Variants in TEKT1 observed in about 807,000 individuals in gnomAD.
TEKT1 encodes tektin 1.
TEKT1 carries 32 observed loss-of-function variants against 34.8 expected under a neutral mutation model. The ratio of observed to expected loss-of-function variants is 0.92; its 90% CI spans 0.69 to 1.23. The LOEUF (loss-of-function observed/expected upper bound fraction) is 1.23. TEKT1 is among the 50% of genes most tolerant of loss of function. The pLI is 0.00. For missense variants in TEKT1, 492 were observed against 518.5 expected (o/e 0.95, Z 0.50); for synonymous variants, 207 against 199.8 (o/e 1.04, Z -0.30).
chr17:6,828,584 C>T (rs1259579833), intron 2 of TEKT1, among the ~76,000 whole-genome samples: 1 of 152,106 alleles, frequency 6.6e-6, no homozygotes, highest in Non-Finnish European at 1.5e-5. Flanking sequence ...TGGGTTGAAA[C>T]TGAGTAGCAG....
rs1976949866 is a variant in TEKT1 at position 6,813,002 on chromosome 17, C to T, written c.681G>A (p.Lys227=). 6.2e-7 allele frequency: 1 copy of T among 1,614,082 alleles called. No homozygotes were observed. The highest frequency in any genetic ancestry group is 1.3e-5 in the African/African-American group (1 of 74,944). The change falls in exon 6 of 8, where the codon AAG becomes AAA. Residue 227 remains lysine (K), a synonymous_variant. Transcript: ENST00000338694. The part of the protein sequence containing the change: ...WLDFSSTNVE[K]ADKQRNNSLM... ...GGGAGTTGTTCCGCTGCTTGTCAGCCTTCTCCACATTGGTGCTGGAGAAGT... is the reference window on the plus strand; with the variant it reads ...GGGAGTTGTTCCGCTGCTTGTCAGCTTTCTCCACATTGGTGCTGGAGAAGT...
chr17:6,812,869 T>C lies in TEKT1; in HGVS notation c.814A>G (p.Lys272Glu). Residue 272 changes from lysine to glutamate, a missense_variant, in exon 6 of 8, where the codon AAG (lysine) becomes GAG (glutamate). Lys to Glu is a moderately conservative substitution (Grantham distance 56, BLOSUM62 1). Coordinates refer to ENST00000338694, the MANE Select transcript of TEKT1 (RefSeq NM_053285.2). ...TCAGCCAGCTTGTCCCTGGCATCCT[T>C]TGTATCCTTCAGCCCATTCTTGAAT... is the stretch of plus-strand genomic sequence containing the variant. ...TAFKNGLKDT[K>E]DARDKLADHL... is the part of the protein sequence containing the mutation. The C allele has an allele frequency of 6.2e-7, 1 of 1,614,170 alleles. No homozygotes were observed. Among genetic ancestry groups the C allele is most frequent in the Non-Finnish European group, 8.5e-7 (1 of 1,180,034 alleles).
chr17:6,819,789 G>T (rs546152047), intron 2 of TEKT1, among the ~76,000 whole-genome samples: 1 of 152,336 alleles, frequency 6.6e-6, no homozygotes, highest in East Asian at 1.9e-4. Flanking sequence ...CCAGGTTCAT[G>T]CCATTCTCCT....
intron 6 of TEKT1, among the ~76,000 whole-genome samples, chr17:6,807,393 C>G (rs564403240): frequency 0.025 from 3,761 of 152,202 alleles, 78 homozygotes; most frequent in Non-Finnish European, 0.039. Context: ...AGGTTTTTAA[C>G]TTCTTTGCCA....
rs1372091900 is a variant in TEKT1 at position 6,822,938 on chromosome 17, G to A, written c.191-3580C>T. Among the ~76,000 whole-genome samples the A allele has an allele frequency of 2.6e-5, 4 of 152,242 alleles. No homozygotes were observed. In the South Asian group the frequency reaches 8.3e-4, roughly 31 times the overall value. On this transcript the variant is annotated intron_variant, in intron 2 of 7. Coordinates refer to ENST00000338694, the MANE Select transcript of TEKT1 (RefSeq NM_053285.2). ...TCAGTTGAGACCCTGGCATCTCACA[G>A]GAGAATCCTCAAATGTTAATATTTA...
At chr17:6,817,166 G>A (rs1206417863) in intron 3 of TEKT1, among the ~76,000 whole-genome samples, 4 of 152,002 alleles carry the variant, frequency 2.6e-5, no homozygotes, top group African/African-American at 7.3e-5. Flanking sequence ...GCCTGAGGTC[G>A]GGAGTTGGAG....
At chr17:6,815,781 C>T in intron 4 of TEKT1, 53 bp downstream of exon 4, 3 of 1,607,524 alleles carry the variant, frequency 1.9e-6, no homozygotes, top group Non-Finnish European at 1.7e-6. Context: ...GTGGACACTG[C>T]CTTTTCTCAA....
At chr17:6,814,168 C>T (rs988836174) in intron 5 of TEKT1, among the ~76,000 whole-genome samples, 1 of 152,142 alleles carries the variant, frequency 6.6e-6, no homozygotes, top group Non-Finnish European at 1.5e-5. Context: ...GACATCAAGC[C>T]TGGGGCACCC....
intron 5 of TEKT1, among the ~76,000 whole-genome samples, chr17:6,813,946 TTCTCTCTCTCTC>T (rs71157224): frequency 1.4e-5 from 2 of 145,952 alleles, no homozygotes; most frequent in East Asian, 2.0e-4. Flanking sequence ...CTGTCATCCG[TTCTCTCTCTCTC>T]TCTCTCTCTC....
In TEKT1 at chr17:6,799,972, TA is replaced by T. The variant is rs1976743694; in HGVS notation, c.*54del. ...CCAGCCTGAAATGAGAGCTCTGTAC[TA>T]CTGTAACTACTGTTTACAATGTGGT... is the stretch of plus-strand genomic sequence containing the variant. On this transcript the variant is annotated 3_prime_UTR_variant, in exon 8 of 8. Coordinates refer to ENST00000338694, the MANE Select transcript of TEKT1 (RefSeq NM_053285.2). The T allele has an allele frequency of 1.3e-6, 2 of 1,528,230 alleles. No individual in the cohort carries two copies. The highest frequency in any genetic ancestry group is 1.8e-6 in the Non-Finnish European group (2 of 1,133,202). The allele number at this position is 1,528,230 out of a possible 1,614,324, so 94.7% of individuals were successfully genotyped here. A position where few individuals can be genotyped will look rare whatever the true frequency, so the allele number is the denominator to read the frequency against.
chr17:6,823,944 T>C (rs1478529679), intron 2 of TEKT1, among the ~76,000 whole-genome samples: 1 of 145,278 alleles, frequency 6.9e-6, no homozygotes, highest in Admixed American at 7.1e-5. Flanking sequence ...TGCCTCAGCC[T>C]CCCAAGTAGC....
chr17:6,805,922 G>A (rs917180576), intron 6 of TEKT1, among the ~76,000 whole-genome samples: 1 of 152,220 alleles, frequency 6.6e-6, no homozygotes, highest in Admixed American at 6.5e-5. Flanking sequence ...GCGGTGTGGT[G>A]CTGAGAAGAA....
At chr17:6,802,096 C>A (rs1210558457) in intron 6 of TEKT1, among the ~76,000 whole-genome samples, 3 of 152,140 alleles carry the variant, frequency 2.0e-5, no homozygotes, top group Non-Finnish European at 4.4e-5. Context: ...AGACAAAAGA[C>A]TTATTCTTTA....
Position 6,815,858 on chromosome 17 carries a change from A to G in TEKT1, c.461T>C (p.Leu154Ser), listed in dbSNP as rs1976998132. The G allele has an allele frequency of 6.2e-6, 10 of 1,614,176 alleles. No individual in the cohort carries two copies. The highest frequency in any genetic ancestry group is 8.5e-6 in the Non-Finnish European group (10 of 1,180,028). The change falls in exon 4 of 8, where the codon TTG becomes TCG. Residue 154 changes from leucine to serine, a missense_variant. Coordinates refer to ENST00000338694, the MANE Select transcript of TEKT1 (RefSeq NM_053285.2). ...QGIMALLTRTLEEASEQIRMN... is the reference protein window; with the variant it reads ...QGIMALLTRTSEEASEQIRMN... ...CCGAATCTGCTCGGAAGCCTCCTCC[A>G]AGGTACGGGTCAGCAGAGCCATAAT...
In TEKT1 at chr17:6,799,993, T is replaced by C. The variant is rs1349943705; in HGVS notation, c.*34A>G. ...GTACTACTGTAACTACTGTTTACAA[T>C]GTGGTTTAATGAGAATTGGAACTAG... On this transcript the variant is annotated 3_prime_UTR_variant, in exon 8 of 8. Transcript: ENST00000338694. The C allele has an allele frequency of 6.3e-7, 1 of 1,578,366 alleles. No homozygotes were observed. The highest frequency in any genetic ancestry group is 2.2e-5 in the East Asian group (1 of 44,634).
Position 6,800,799 on chromosome 17 carries a change from C to A in TEKT1, c.997G>T (p.Ala333Ser), listed in dbSNP as rs561916829. The A allele has an allele frequency of 4.3e-6, 7 of 1,613,936 alleles. No individual in the cohort carries two copies. The Middle Eastern group carries it at 6.6e-4, about 152-fold the overall frequency. Residue 333 changes from alanine (A) to serine (S), a missense_variant, in exon 7 of 8, where the codon GCA (alanine) becomes TCA (serine). By Grantham distance (99) the Ala-to-Ser change is moderately conservative. Coordinates refer to ENST00000338694, the MANE Select transcript of TEKT1 (RefSeq NM_053285.2). ...RPNVELCRDV[A>S]QYRLMKEVQE... ...ACCTCCTTCATTAGCCTATATTGTG[C>A]GACATCACGACACAGCTCCACGTTC... is the stretch of plus-strand genomic sequence containing the variant.
chr17:6,809,835 C>T (rs988366570), intron 6 of TEKT1, among the ~76,000 whole-genome samples: 6 of 152,166 alleles, frequency 3.9e-5, no homozygotes, highest in African/African-American at 1.2e-4. Context: ...ATAGCTCACG[C>T]CTTTTTAGTG....
rs1977053409 is a variant in TEKT1, at chr17:6,819,247, G to C, written c.302C>G (p.Ala101Gly). The C allele has an allele frequency of 6.2e-7, 1 of 1,613,886 alleles. No individual in the cohort carries two copies. The highest frequency in any genetic ancestry group is 8.5e-7 in the Non-Finnish European group (1 of 1,179,972). The part of the protein sequence containing the change: ...LLIYKIRLEK[A>G]LETLKEPLHI... ...CAAGGGCTCTTTCAAGGTCTCCAGG[G>C]CTTTTTCCAATCTGATCTTATATAT... is the stretch of plus-strand genomic sequence containing the variant. The change falls in exon 3 of 8, where the codon GCC (alanine) becomes GGC (glycine). Residue 101 changes from alanine (A) to glycine (G), a missense_variant. Ala to Gly is a moderately conservative substitution (Grantham distance 60). Coordinates refer to ENST00000338694, the MANE Select transcript of TEKT1 (RefSeq NM_053285.2).
At position 6,802,529 on chromosome 17, in the gene TEKT1, C is replaced by T. The variant is rs574044984; in HGVS notation, c.853-1586G>A. ...TAAGTTTTAGGGTACATGTGCACAA[C>T]GTGCAGGTTTGTTACATATGTATAC... On this transcript the variant is annotated intron_variant, in intron 6 of 7. Coordinates refer to ENST00000338694, the MANE Select transcript of TEKT1 (RefSeq NM_053285.2). Among the ~76,000 whole-genome samples, 6 of 151,272 alleles carry T rather than the reference C, an allele frequency of 4.0e-5. No individual in the cohort carries two copies. In the East Asian group the frequency reaches 7.8e-4, roughly 20 times the overall value.
Sources: gnomAD v4.1 joint callset for allele counts (sites outside exome capture counted in the v4.1 genomes callset) on GRCh38, gnomAD v4.1.1 for gene constraint, MANE v1.5 for transcripts, NCBI Gene and HGNC (gene_info 2026-07-23, HGNC 2026-07-21) for gene names.